NBPF10: variants seen among roughly 807,000 people sequenced by gnomAD.
NBPF10 encodes the protein NBPF family member NBPF10.
A neutral mutation model predicts 77.9 loss-of-function variants in NBPF10; 63 were observed. The ratio of observed to expected loss-of-function variants is 0.81; its 90% CI spans 0.66 to 1.00. NBPF10 has a LOEUF of 1.00. Among genes scored for constraint, NBPF10 ranks in the 50% least tolerant of loss-of-function variants. The pLI is 0.00. For missense variants in NBPF10, 522 were observed against 679.8 expected (o/e 0.77, Z 2.58); for synonymous variants, 146 against 264.5 (o/e 0.55, Z 4.35).
At chr1:146,069,398 A>C in intron 86 of NBPF10, 145 bp downstream of exon 86, 1 of 484,074 alleles carries the variant, frequency 2.1e-6, no homozygotes, top group South Asian at 2.0e-5. Context: ...AAGTGGAACT[A>C]GAGTTTCATT....
chr1:146,123,601 G>C (rs1157234845), intron 17 of NBPF10, among the ~76,000 whole-genome samples: 1 of 88,046 alleles, frequency 1.1e-5, no homozygotes, highest in Non-Finnish European at 2.1e-5. Flanking sequence ...CTCTGAGTTA[G>C]TGCCCTCAGG....
chr1:146,067,215 T>G (rs1559307350), exon 89 of NBPF10: 1 of 577,584 alleles, frequency 1.7e-6, no homozygotes, highest in African/African-American at 2.0e-5. Flanking sequence ...CTTCCCCTTC[T>G]TTTCTTCCCC....
chr1:146,069,600 T>G, exon 86 of NBPF10: 10 of 1,549,318 alleles, frequency 6.5e-6, no homozygotes, highest in South Asian at 1.1e-5. Flanking sequence ...AAGGCACTTC[T>G]GTAGGGCTGG....
chr1:146,129,490 T>A (rs1553791645), intron 11 of NBPF10, among the ~76,000 whole-genome samples: 1 of 137,362 alleles, frequency 7.3e-6, no homozygotes, highest in African/African-American at 2.9e-5. Context: ...AATATGGGAC[T>A]ATGTGGAAAG....
At chr1:146,136,248 G>C (rs1350109039) in intron 7 of NBPF10, 105 bp downstream of exon 7, 1 of 875,668 alleles carries the variant, frequency 1.1e-6, no homozygotes, top group African/African-American at 1.7e-5. Flanking sequence ...GGCAATTCCT[G>C]CCCTTCCCCT....
At chr1:146,126,523 A>T (rs1658688555) in intron 13 of NBPF10, 115 bp from the exon 14 acceptor site, 1 of 715,564 alleles carries the variant, frequency 1.4e-6, no homozygotes, top group Non-Finnish European at 2.6e-6. Flanking sequence ...GGACAGATCC[A>T]TTAATGAGGT....
chr1:146,142,461 A>G (rs1375633821), intron 2 of NBPF10, among the ~76,000 whole-genome samples, 189 bp downstream of exon 2: 2 of 133,024 alleles, frequency 1.5e-5, no homozygotes, highest in African/African-American at 5.0e-5. Flanking sequence ...CAAGGCTCTA[A>G]GAAACAACTG....
exon 14 of NBPF10, chr1:146,126,326 A>T (rs2102169860): frequency 7.7e-7 from 1 of 1,295,918 alleles, no homozygotes; most frequent in Non-Finnish European, 1.1e-6. Context: ...AGTTCAAGAC[A>T]ACCTGAAGGA....
At position 146,142,760 on chromosome 1, in the gene NBPF10, A is replaced by C. The variant is rs1553797954; in HGVS notation, c.176-8T>G. 8 of 1,347,714 alleles carry C rather than the reference A, an allele frequency of 5.9e-6. 2 individuals are homozygous for C. The highest frequency in any genetic ancestry group is 7.1e-6 in the Non-Finnish European group (7 of 980,942). 83.5% of individuals were successfully genotyped at this position (1,347,714 alleles called of 1,614,324 possible). ...CTTTACACTCTTCATACTCTGAAAA[A>C]AGACAGACACGCCTGCCTCAGTGGA... is the stretch of plus-strand genomic sequence containing the variant. On this transcript the variant is annotated splice_polypyrimidine_tract_variant and splice_region_variant and intron_variant, in intron 1 of 89. Transcript: ENST00000583866.
At chr1:146,066,885 G>C (rs1315702216) in intron 89 of NBPF10, among the ~76,000 whole-genome samples, 6 of 148,416 alleles carry the variant, frequency 4.0e-5, no homozygotes, top group Non-Finnish European at 6.0e-5. Context: ...ACAGCAAACA[G>C]TGATCATGAA....
At position 146,069,222 on chromosome 1, in the gene NBPF10, G is replaced by A. The variant is rs1655531168; in HGVS notation, c.10810+321C>T. Among the ~76,000 whole-genome samples the A allele has an allele frequency of 2.3e-5, 2 of 85,916 alleles. 1 individual carries two copies. The highest frequency in any genetic ancestry group is 1.1e-4 in the African/African-American group (2 of 18,650). 56.4% of individuals were successfully genotyped at this position (85,916 alleles called of 152,430 possible). ...TTGTAGACGCTGAAATTAGAGTGAA[G>A]GATGAAATCTACAAGATCTACAAAA... On this transcript the variant is annotated intron_variant, in intron 86 of 89. Coordinates refer to ENST00000583866, the Ensembl canonical transcript of NBPF10.
chr1:146,139,091 ACTTTTTTT>A, intron 5 of NBPF10, among the ~76,000 whole-genome samples: 3 of 88,596 alleles, frequency 3.4e-5, no homozygotes, highest in African/African-American at 1.3e-4. Flanking sequence ...TCAGAGACTT[ACTTTTTTT>A]TTTTTTTTTT....
Position 146,125,828 on chromosome 1 carries a change from A to G in NBPF10, c.2027-312T>C, listed in dbSNP as rs1356867060. ...CAAATGCCCCCAAATGGTTGCTAGG[A>G]GAAAAACTGCACTATTCAGCCCTGT... On this transcript the variant is annotated intron_variant, in intron 14 of 89. Coordinates refer to ENST00000583866, the Ensembl canonical transcript of NBPF10. 1.7e-4 allele frequency among the ~76,000 whole-genome samples: 26 copies of G among 149,798 alleles called. 1 individual carries two copies. Among genetic ancestry groups the G allele is most frequent in the Non-Finnish European group, 8.9e-5 (6 of 67,176 alleles).
At chr1:146,141,915 G>T in intron 2 of NBPF10, 97 bp from the exon 3 acceptor site, 1 of 1,078,932 alleles carries the variant, frequency 9.3e-7, no homozygotes, top group Admixed American at 1.9e-5. Flanking sequence ...TCGTCAAGGA[G>T]ACCTCCAAGC....
intron 19 of NBPF10, among the ~76,000 whole-genome samples, chr1:146,121,961 T>G (rs1353043925): frequency 1.5e-5 from 2 of 130,464 alleles, no homozygotes; most frequent in South Asian, 2.7e-4. Context: ...CACTCTGAGT[T>G]AGTGCCCTCA....
At chr1:146,125,970 G>C (rs147279772) in intron 14 of NBPF10, among the ~76,000 whole-genome samples, 4,191 of 151,644 alleles carry the variant, frequency 0.028, 228 homozygotes, top group African/African-American at 0.097. Flanking sequence ...GTGTGAATTT[G>C]TCATATCTGC....
At chr1:146,073,022 G>C (rs1553780060) in intron 81 of NBPF10, 121 bp from the exon 82 acceptor site, 1 of 193,092 alleles carries the variant, frequency 5.2e-6, no homozygotes. Flanking sequence ...ATCCATTAAT[G>C]AGGTAATGAA....
At chr1:146,066,903 A>G (rs1553777715) in intron 89 of NBPF10, among the ~76,000 whole-genome samples, 1 of 147,458 alleles carries the variant, frequency 6.8e-6, no homozygotes, top group African/African-American at 2.4e-5. Context: ...GAAAAGAGTG[A>G]GCTCAATAGT....
chr1:146,067,859 G>C (rs1301249938), intron 88 of NBPF10, 144 bp downstream of exon 88: 10 of 698,534 alleles, frequency 1.4e-5, no homozygotes, highest in Admixed American at 4.1e-5. Context: ...TGAGACTACA[G>C]TTTCATTACA....
Sources: allele counts gnomAD v4.1 joint callset (sites outside exome capture counted in the v4.1 genomes callset), GRCh38; gene constraint gnomAD v4.1.1; transcripts MANE v1.5; gene names NCBI Gene and HGNC (gene_info 2026-07-23, HGNC 2026-07-21).